Variants in TMIGD3 observed in about 807,000 individuals in gnomAD.
TMIGD3 encodes the protein transmembrane and immunoglobulin domain containing 3.
Under a neutral mutation model 28.1 loss-of-function variants are expected in TMIGD3, and 21 were observed. The observed-to-expected ratio is 0.75, with a 90% CI of 0.53 to 1.08. The LOEUF (loss-of-function observed/expected upper bound fraction) is 1.08, where lower values mean the gene tolerates loss of function less well. TMIGD3 is among the 50% of genes least tolerant of loss of function. TMIGD3 has a pLI of 0.00. For synonymous variants in TMIGD3, 151 were observed against 162.1 expected (o/e 0.93, Z 0.52); for missense variants, 416 against 435.6 (o/e 0.96, Z 0.40).
At chr1:111,548,298 A>G (rs2786973) in intron 1 of TMIGD3, among the ~76,000 whole-genome samples, 149,812 of 152,366 alleles carry the variant, frequency 0.98, 73,700 homozygotes, top group Middle Eastern at 1. Flanking sequence ...TGGGATTACA[A>G]GCGTGAGCCA....
At chr1:111,528,199 C>T (rs1656335687) in intron 1 of TMIGD3, among the ~76,000 whole-genome samples, 2 of 152,040 alleles carry the variant, frequency 1.3e-5, no homozygotes, top group Non-Finnish European at 1.5e-5. Context: ...GGTCTGTGTC[C>T]AGATTTTATT....
At chr1:111,489,464 T>G in intron 2 of TMIGD3, 1 of 741,580 alleles carries the variant, frequency 1.3e-6, no homozygotes. Flanking sequence ...ATCTTGAACT[T>G]ACCACCTTCA....
At chr1:111,492,770 C>T (rs567643114) in intron 1 of TMIGD3, among the ~76,000 whole-genome samples, 46 of 146,982 alleles carry the variant, frequency 3.1e-4, no homozygotes, top group East Asian at 1.4e-3. Context: ...GCCGAGATCA[C>T]GCCACTGTAC....
At chr1:111,553,050 C>A (rs935386006) in intron 1 of TMIGD3, among the ~76,000 whole-genome samples, 1 of 152,220 alleles carries the variant, frequency 6.6e-6, no homozygotes, top group African/African-American at 2.4e-5. Flanking sequence ...CCAAACACTT[C>A]ATATTCAGAT....
upstream of TMIGD3, among the ~76,000 whole-genome samples, chr1:111,508,335 GTC>G (rs1655582972): frequency 6.6e-6 from 1 of 152,234 alleles, no homozygotes; most frequent in South Asian, 2.1e-4. Flanking sequence ...AGCTTCAAGT[GTC>G]TGAAAGAGTG....
intron 1 of TMIGD3, among the ~76,000 whole-genome samples, chr1:111,513,580 T>TA (rs1248276816): frequency 1.3e-5 from 2 of 152,160 alleles, no homozygotes; most frequent in East Asian, 1.9e-4. Context: ...GCCTCCAAGA[T>TA]AAAATCTCAT....
Position 111,489,007 on chromosome 1 carries a change from C to A in TMIGD3, c.475G>T (p.Glu159Ter), listed in dbSNP as rs1654523378. The A allele has an allele frequency of 1.2e-6, 2 of 1,610,482 alleles. No individual in the cohort carries two copies. Among genetic ancestry groups the A allele is most frequent in the Non-Finnish European group, 1.7e-6 (2 of 1,177,430 alleles). The change falls in exon 3 of 6, where the codon GAA becomes TAA. Residue 159 changes from glutamate (E) to a stop codon, truncating the protein, a stop_gained. Coordinates refer to ENST00000369716, the MANE Select transcript of TMIGD3 (RefSeq NM_020683.7). LOFTEE classifies it high-confidence loss of function. ...AGCACAAAGCTTCTCTTGACCTTTT[C>A]ATCCATGACCATGGCATCTGTGAAA... Reference protein sequence around the residue: ...ALISDAMVMDEKVKRSFVLDT... With the variant: ...ALISDAMVMD
intron 1 of TMIGD3, among the ~76,000 whole-genome samples, chr1:111,519,257 T>C (rs1205427652): frequency 6.6e-6 from 1 of 152,132 alleles, no homozygotes; most frequent in Admixed American, 6.5e-5. Flanking sequence ...GAATTTAAGC[T>C]CTTATTTACA....
intron 1 of TMIGD3, among the ~76,000 whole-genome samples, chr1:111,526,307 A>T (rs1015416067): frequency 4.6e-5 from 7 of 152,166 alleles, no homozygotes; most frequent in Non-Finnish European, 1.0e-4. Context: ...TAATTGAATC[A>T]TGGGGGCGGT....
chr1:111,510,108 G>A (rs961733482), intron 1 of TMIGD3, among the ~76,000 whole-genome samples: 1 of 152,182 alleles, frequency 6.6e-6, no homozygotes, highest in Non-Finnish European at 1.5e-5. Flanking sequence ...TGAAGGCTGT[G>A]CATTCTGTGT....
chr1:111,485,373 G>GA (rs1654311099), intron 5 of TMIGD3: 1 of 181,604 alleles, frequency 5.5e-6, no homozygotes, highest in South Asian at 1.6e-4. Flanking sequence ...TGAAAAAGGA[G>GA]ACTCTTCTAT....
chr1:111,503,893 G>C, upstream of TMIGD3: 1 of 992,022 alleles, frequency 1.0e-6, no homozygotes, highest in Non-Finnish European at 1.2e-6. Flanking sequence ...AGGGACCAGA[G>C]GACAGTGCAG....
chr1:111,483,630 C>A lies in TMIGD3; in HGVS notation c.*57G>T. The A allele has an allele frequency of 2.2e-6, 3 of 1,376,444 alleles. No individual in the cohort carries two copies. In the South Asian group the frequency reaches 3.6e-5, roughly 16 times the overall value. 85.3% of individuals were successfully genotyped at this position (1,376,444 alleles called of 1,614,324 possible). The stretch of plus-strand genomic sequence containing the variant: ...AGTCTCTGAGGTGTGGGCCAGTTGT[C>A]ATGGTGATTATTCTGTTGTAGCATC... On this transcript the variant is annotated 3_prime_UTR_variant, in exon 6 of 6. Coordinates refer to ENST00000369716, the MANE Select transcript of TMIGD3 (RefSeq NM_020683.7).
intron 1 of TMIGD3, among the ~76,000 whole-genome samples, chr1:111,537,993 A>T (rs1294481161): frequency 6.6e-6 from 1 of 152,182 alleles, no homozygotes; most frequent in Non-Finnish European, 1.5e-5. Flanking sequence ...TTCCTTAAAT[A>T]CTTAAGCATT....
At chr1:111,514,643 A>AACACACACACACACACAC (rs113195244) in intron 1 of TMIGD3, among the ~76,000 whole-genome samples, 9 of 148,914 alleles carry the variant, frequency 6.0e-5, no homozygotes, top group African/African-American at 2.2e-4. Context: ...ACAGTATGGG[A>AACACACACACACACACAC]ACACACACAC....
intron 1 of TMIGD3, among the ~76,000 whole-genome samples, chr1:111,548,565 G>A (rs2101032513): frequency 6.6e-6 from 1 of 152,314 alleles, no homozygotes; most frequent in Non-Finnish European, 1.5e-5. Context: ...TCAGAACTGG[G>A]TAAGCTGAAC....
At chr1:111,548,278 C>T (rs997734749) in intron 1 of TMIGD3, among the ~76,000 whole-genome samples, 1 of 152,218 alleles carries the variant, frequency 6.6e-6, no homozygotes, top group African/African-American at 2.4e-5. Flanking sequence ...ACCTCGGCCT[C>T]CCAAAGTGCT....
In TMIGD3 at chr1:111,527,775, C is replaced by G. The variant is rs141723320; in HGVS notation, c.107+36071G>C. The stretch of plus-strand genomic sequence containing the variant: ...ATGAGATGGATCATCTTTTCATATG[C>G]TTATTTGCCATCCTTATATCATCTT... On this transcript the variant is annotated intron_variant, in intron 1 of 5. Coordinates refer to the TMIGD3 transcript ENST00000369717. 6.2e-3 allele frequency among the ~76,000 whole-genome samples: 946 copies of G among 152,258 alleles called. 11 individuals carry two copies. Among genetic ancestry groups the G allele is most frequent in the African/African-American group, 0.022 (907 of 41,542 alleles).
intron 1 of TMIGD3, among the ~76,000 whole-genome samples, chr1:111,491,314 G>C (rs979157830): frequency 6.6e-6 from 1 of 152,248 alleles, no homozygotes; most frequent in Admixed American, 6.5e-5. Context: ...TTTGGGCTGC[G>C]GTCTTCAGAC....
Sources: gnomAD v4.1 joint callset for allele counts (sites outside exome capture counted in the v4.1 genomes callset) on GRCh38, gnomAD v4.1.1 for gene constraint, MANE v1.5 for transcripts, NCBI Gene and HGNC (gene_info 2026-07-23, HGNC 2026-07-21) for gene names.